The following AVEN variants were observed in gnomAD, a reference collection of about 807,000 sequenced individuals.
AVEN encodes the protein cell death regulator Aven.
A neutral mutation model predicts 38.1 loss-of-function variants in AVEN; 41 were observed. The observed-to-expected ratio is 1.08, with a 90% confidence interval of 0.84 to 1.40. AVEN has a LOEUF of 1.40. AVEN is among the 40% of genes most tolerant of loss of function. The probability of loss-of-function intolerance (pLI) is 0.00; values close to 1 mark genes in which losing one functional copy is unlikely to be tolerated. For synonymous variants in AVEN, 206 were observed against 171.8 expected, an observed-to-expected ratio of 1.20 and a Z score of -1.56; for missense variants, 605 against 438.8, an observed-to-expected ratio of 1.38 and a Z score of -3.38.
intron 2 of AVEN, among the ~76,000 whole-genome samples, chr15:33,899,702 G>A (rs1221820475): frequency 3.9e-5 from 6 of 151,902 alleles, no homozygotes; most frequent in East Asian, 3.9e-4. Flanking sequence ...TCTTGACCTC[G>A]TGATCCACCT....
intron 2 of AVEN, among the ~76,000 whole-genome samples, chr15:33,901,990 TTTTTG>T (rs1296647023): frequency 2.0e-5 from 3 of 152,188 alleles, no homozygotes; most frequent in East Asian, 1.9e-4. Context: ...GTTGACTGGT[TTTTTG>T]TTTTGTTTGT....
At chr15:33,987,494 A>G (rs1045328967) in intron 2 of AVEN, among the ~76,000 whole-genome samples, 3 of 152,134 alleles carry the variant, frequency 2.0e-5, no homozygotes, top group African/African-American at 7.2e-5. Flanking sequence ...CCAGCCTCAG[A>G]TTACGCTCCA....
In AVEN at chr15:34,054,282, G is replaced by A. The variant is rs116255306; in HGVS notation, n.1637+8640C>T. Among the ~76,000 whole-genome samples, 277 of 152,296 alleles carry A rather than the reference G, an allele frequency of 1.8e-3. 1 individual carries two copies. Among genetic ancestry groups the A allele is most frequent in the African/African-American group, 6.4e-3 (265 of 41,556 alleles). On this transcript the variant is annotated intron_variant and non_coding_transcript_variant, in intron 5 of 11. Transcript: ENST00000675287. ...GAATACTGTGTGGCAATTCCTCAAA[G>A]TCCTAGAGGCAGACATACCATTTGA...
At chr15:33,859,975 C>T (rs1258435945) in intron 11 of AVEN, among the ~76,000 whole-genome samples, 1 of 152,160 alleles carries the variant, frequency 6.6e-6, no homozygotes, top group East Asian at 1.9e-4. Flanking sequence ...TGTTCCTCTA[C>T]TCTGAATTAT....
At chr15:34,067,916 A>T (rs1218816355) in intron 2 of AVEN, among the ~76,000 whole-genome samples, 4 of 152,310 alleles carry the variant, frequency 2.6e-5, no homozygotes, top group African/African-American at 9.6e-5. Flanking sequence ...CCCAATAAAG[A>T]CCCCAGATCG....
intron 2 of AVEN, among the ~76,000 whole-genome samples, chr15:34,068,742 A>G (rs1900568679): frequency 6.6e-6 from 1 of 151,694 alleles, no homozygotes; most frequent in South Asian, 2.1e-4. Context: ...TCATGGTTAG[A>G]CTTATTTAAT....
At chr15:33,992,542 T>A (rs540422667) in intron 2 of AVEN, among the ~76,000 whole-genome samples, 2 of 152,362 alleles carry the variant, frequency 1.3e-5, no homozygotes, top group African/African-American at 4.8e-5. Context: ...ACAAATTTTT[T>A]AATTTATAGT....
At chr15:33,973,364 T>C (rs777971620) in intron 2 of AVEN, among the ~76,000 whole-genome samples, 9 of 152,220 alleles carry the variant, frequency 5.9e-5, no homozygotes, top group African/African-American at 1.2e-4. Context: ...AGGCTCAGTA[T>C]ATAACATAGT....
At chr15:34,006,977 T>C (rs649077) in intron 1 of AVEN, 39,688 of 722,892 alleles carry the variant, frequency 0.055, 1,221 homozygotes, top group Non-Finnish European at 0.061. Flanking sequence ...ACTATAAAGA[T>C]AAAGGCATCA....
chr15:33,872,948 G>C (rs1049878412), intron 3 of AVEN, among the ~76,000 whole-genome samples: 1 of 151,992 alleles, frequency 6.6e-6, no homozygotes, highest in Non-Finnish European at 1.5e-5. Context: ...CTGCGTATCA[G>C]CCACAGAGCA....
rs115959439 is a variant in AVEN at position 33,887,448 on chromosome 15, A to G, written c.446-11453T>C. Among the ~76,000 whole-genome samples, 568 of 152,324 alleles carry G rather than the reference A, an allele frequency of 3.7e-3. 3 individuals are homozygous for G. The highest frequency in any genetic ancestry group is 0.013 in the African/African-American group (538 of 41,578). ...AAATTCTAGTTTCCAGCAGAATGTA[A>G]CAGCTTTTACCAAAATAAATATTGT... On this transcript the variant is annotated intron_variant, in intron 2 of 5. Coordinates refer to ENST00000306730, the MANE Select transcript of AVEN (RefSeq NM_020371.3).
chr15:34,070,948 C>G (rs1900613150), intron 1 of AVEN, among the ~76,000 whole-genome samples: 1 of 152,172 alleles, frequency 6.6e-6, no homozygotes. Flanking sequence ...CAAGGTCTAA[C>G]TCTGCTCACT....
chr15:33,999,738 C>T (rs1897067062), intron 2 of AVEN, among the ~76,000 whole-genome samples: 1 of 152,158 alleles, frequency 6.6e-6, no homozygotes, highest in Non-Finnish European at 1.5e-5. Flanking sequence ...TAGTGGCTTC[C>T]TAACTAGTCT....
downstream of AVEN, chr15:33,857,700 G>C: frequency 6.4e-7 from 1 of 1,557,546 alleles, no homozygotes; most frequent in Non-Finnish European, 8.7e-7. Context: ...CTTCCTCCTC[G>C]TTTTCTTAGA....
chr15:33,994,764 A>C (rs1423776488), intron 2 of AVEN, among the ~76,000 whole-genome samples: 1 of 152,210 alleles, frequency 6.6e-6, no homozygotes, highest in African/African-American at 2.4e-5. Context: ...ATATATGTTA[A>C]GCTATATTCT....
intron 1 of AVEN, among the ~76,000 whole-genome samples, chr15:34,018,651 G>C (rs995238176): frequency 6.6e-6 from 1 of 152,168 alleles, no homozygotes; most frequent in African/African-American, 2.4e-5. Flanking sequence ...AAAGAACAAA[G>C]CTTCCACAGA....
intron 4 of AVEN, 73 bp from the exon 5 acceptor site, chr15:33,867,928 G>A (rs1207715338): frequency 6.7e-7 from 1 of 1,485,732 alleles, no homozygotes; most frequent in Non-Finnish European, 8.9e-7. Flanking sequence ...TACATAGGAG[G>A]CTAAACGAAG....
intron 1 of AVEN, among the ~76,000 whole-genome samples, chr15:34,031,319 C>T (rs1425864490): frequency 2.0e-5 from 3 of 151,780 alleles, no homozygotes; most frequent in South Asian, 2.1e-4. Flanking sequence ...GGATTACAGG[C>T]GCATGCCACC....
intron 1 of AVEN, among the ~76,000 whole-genome samples, chr15:34,027,333 G>A (rs1412060536): frequency 6.6e-6 from 1 of 151,898 alleles, no homozygotes. Context: ...TGGCCAACAT[G>A]GCGAAACTCT....
Sources: gnomAD v4.1 joint callset for allele counts (sites outside exome capture counted in the v4.1 genomes callset) on GRCh38, gnomAD v4.1.1 for gene constraint, MANE v1.5 for transcripts, NCBI Gene and HGNC (gene_info 2026-07-23, HGNC 2026-07-21) for gene names.